Variants in PRKG1 observed in about 807,000 individuals in gnomAD.
PRKG1 encodes the protein protein kinase cGMP-dependent 1, also known as cGMP-dependent protein kinase 1.
A neutral mutation model predicts 88.1 loss-of-function variants in PRKG1; 35 were observed. That is an observed-to-expected ratio of 0.40 (90% CI 0.30 to 0.53). The LOEUF (loss-of-function observed/expected upper bound fraction) is 0.53, where lower values mean the gene tolerates loss of function less well. PRKG1 is among the 20% of genes least tolerant of loss of function. The pLI is 0.59. For synonymous variants in PRKG1, 303 were observed against 292.5 expected, an observed-to-expected ratio of 1.04 and a Z score of -0.37; for missense variants, 540 against 839.8, an observed-to-expected ratio of 0.64 and a Z score of 4.41.
chr10:51,803,167 C>G (rs1456917294), intron 3 of PRKG1, among the ~76,000 whole-genome samples: 1 of 152,082 alleles, frequency 6.6e-6, no homozygotes, highest in Non-Finnish European at 1.5e-5. Context: ...AGAAAAGAGT[C>G]TGGAGGCAGC....
chr10:52,204,556 C>T (rs9416048), intron 9 of PRKG1, among the ~76,000 whole-genome samples: 38,909 of 152,056 alleles, frequency 0.26, 5,957 homozygotes, highest in Admixed American at 0.41. Context: ...TAATTTCTTA[C>T]GCCTGTCTTT....
chr10:51,197,408 G>A (rs1040818408), intron 2 of PRKG1, among the ~76,000 whole-genome samples: 7 of 152,004 alleles, frequency 4.6e-5, no homozygotes, highest in Admixed American at 3.9e-4. Context: ...AAGTGGCTGG[G>A]ACTACAGTGC....
At chr10:51,287,102 C>T (rs57871639) in intron 2 of PRKG1, among the ~76,000 whole-genome samples, 11,477 of 152,144 alleles carry the variant, frequency 0.075, 1,413 homozygotes, top group African/African-American at 0.26. Flanking sequence ...GTTTTGAACT[C>T]CTTGTCTCAA....
chr10:51,160,751 G>T (rs1035440378), intron 2 of PRKG1, among the ~76,000 whole-genome samples: 1 of 152,040 alleles, frequency 6.6e-6, no homozygotes, highest in African/African-American at 2.4e-5. Context: ...ACTGTTGGGG[G>T]GACAGCTTTA....
chr10:51,375,045 A>G (rs2132617263), intron 2 of PRKG1, among the ~76,000 whole-genome samples: 1 of 152,316 alleles, frequency 6.6e-6, no homozygotes, highest in East Asian at 1.9e-4. Context: ...TAACGTAATC[A>G]TTGATGTAAC....
rs1335530980 is a variant in PRKG1 at position 51,812,255 on chromosome 10, G to C, written c.698+7565G>C. Among the ~76,000 whole-genome samples the C allele has an allele frequency of 3.3e-5, 5 of 152,288 alleles. No homozygotes were observed. The East Asian group carries it at 7.7e-4, about 24-fold the overall frequency. On this transcript the variant is annotated intron_variant, in intron 4 of 17. Transcript: ENST00000373980. ...GGGAAAGCATTTTCTGCATCCTGCT[G>C]GTTGTGGAAGTGTTTTTTCTGCAAA...
At chr10:51,218,247 G>A (rs1838422101) in intron 2 of PRKG1, among the ~76,000 whole-genome samples, 1 of 151,832 alleles carries the variant, frequency 6.6e-6, no homozygotes, top group Admixed American at 6.6e-5. Context: ...GTATGACTTT[G>A]TTTTGTAACA....
In PRKG1 at chr10:51,176,215, G is replaced by C. The variant is rs1439794193; in HGVS notation, c.478+22885G>C. ...TAAATCCTAACAACTCTATGAAATAGATGTTAGACTCATTTCACTAATGAA... is the reference window on the plus strand; with the variant it reads ...TAAATCCTAACAACTCTATGAAATACATGTTAGACTCATTTCACTAATGAA... On this transcript the variant is annotated intron_variant, in intron 2 of 17. Transcript: ENST00000373980. Among the ~76,000 whole-genome samples the C allele has an allele frequency of 2.6e-5, 4 of 152,150 alleles. No individual in the cohort carries two copies. In the South Asian group the frequency reaches 8.3e-4, roughly 32 times the overall value.
intron 9 of PRKG1, among the ~76,000 whole-genome samples, chr10:52,210,864 C>T (rs984265201): frequency 6.6e-6 from 1 of 152,138 alleles, no homozygotes; most frequent in African/African-American, 2.4e-5. Flanking sequence ...AACATAATTG[C>T]ATAAGCTGTC....
intron 5 of PRKG1, among the ~76,000 whole-genome samples, chr10:51,990,408 G>T (rs1295824491): frequency 1.3e-5 from 2 of 152,106 alleles, no homozygotes; most frequent in African/African-American, 4.8e-5. Flanking sequence ...TGAATCTGTA[G>T]ATAGCTTTGA....
In PRKG1 at chr10:51,730,054, T is replaced by G. The variant is rs557512469; in HGVS notation, c.593-74531T>G. Among the ~76,000 whole-genome samples the G allele has an allele frequency of 5.3e-5, 8 of 152,138 alleles. No homozygotes were observed. The South Asian group carries it at 1.7e-3, about 31-fold the overall frequency. Reference sequence around the variant, plus strand: ...CATAGTTTACATTAGGGTTCACTTGTGGTGTTATGCATTATATGGGTTTGG... The same window carrying G: ...CATAGTTTACATTAGGGTTCACTTGGGGTGTTATGCATTATATGGGTTTGG... On this transcript the variant is annotated intron_variant, in intron 3 of 17. Transcript: ENST00000373980.
intron 8 of PRKG1, among the ~76,000 whole-genome samples, chr10:52,151,750 G>T (rs570984511): frequency 2.0e-5 from 3 of 152,104 alleles, no homozygotes; most frequent in Non-Finnish European, 2.9e-5. Context: ...GCACATTAGG[G>T]CAATCTATTC....
chr10:51,136,120 T>A (rs1035180588), intron 1 of PRKG1, among the ~76,000 whole-genome samples: 10 of 151,924 alleles, frequency 6.6e-5, no homozygotes, highest in East Asian at 1.9e-4. Flanking sequence ...AGTATAATAA[T>A]AATAAAATAA....
At chr10:51,670,741 A>T (rs181067328) in intron 3 of PRKG1, among the ~76,000 whole-genome samples, 7,108 of 94,398 alleles carry the variant, frequency 0.075, 226 homozygotes, top group African/African-American at 0.12. Flanking sequence ...GTCTCAAAAA[A>T]AAATAAATAA....
At chr10:52,080,509 T>C (rs1564460218) in intron 7 of PRKG1, among the ~76,000 whole-genome samples, 2 of 152,158 alleles carry the variant, frequency 1.3e-5, no homozygotes, top group Admixed American at 1.3e-4. Flanking sequence ...TCTCAAAATA[T>C]GCTAATTTAG....
In PRKG1 at chr10:52,072,789, T is replaced by C. The variant is rs146800892; in HGVS notation, c.935+10158T>C. 9.3e-3 allele frequency among the ~76,000 whole-genome samples: 1,412 copies of C among 152,312 alleles called. 7 individuals carry two copies. Among genetic ancestry groups the C allele is most frequent in the Middle Eastern group, 0.02 (6 of 294 alleles). On this transcript the variant is annotated intron_variant, in intron 7 of 17. Coordinates refer to ENST00000373980, the MANE Select transcript of PRKG1 (RefSeq NM_006258.4). ...ACCCTCATGCCACTGTTCCTGTTAG[T>C]GCCACCATGATCTGTCTAAATTATA...
chr10:52,054,507 T>C lies in PRKG1; in HGVS notation c.786T>C (p.Tyr262=). The change falls in exon 6 of 18, where the codon TAT becomes TAC. Residue 262 remains tyrosine, a synonymous_variant. Coordinates refer to ENST00000373980, the MANE Select transcript of PRKG1 (RefSeq NM_006258.4). ...AGACCCACTATGAAAATGGAGAATA[T>C]ATTATCAGGCAAGGTGCAAGAGGGG... The part of the protein sequence containing the change: ...LEETHYENGE[Y]IIRQGARGDT... 2 of 1,613,822 alleles carry C rather than the reference T, an allele frequency of 1.2e-6. No individual in the cohort carries two copies. Among genetic ancestry groups the C allele is most frequent in the Non-Finnish European group, 8.5e-7 (1 of 1,179,818 alleles).
chr10:51,269,482 C>T (rs533430741), intron 2 of PRKG1, among the ~76,000 whole-genome samples: 2 of 152,028 alleles, frequency 1.3e-5, no homozygotes, highest in African/African-American at 2.4e-5. Flanking sequence ...CATCAACCAA[C>T]GAATGGATAA....
chr10:51,851,635 T>C (rs1362043538), intron 4 of PRKG1, among the ~76,000 whole-genome samples: 1 of 152,238 alleles, frequency 6.6e-6, no homozygotes, highest in Non-Finnish European at 1.5e-5. Flanking sequence ...ACTATTAAAA[T>C]GTCAAGATTT....
Sources: gnomAD v4.1 joint callset for allele counts (sites outside exome capture counted in the v4.1 genomes callset) on GRCh38, gnomAD v4.1.1 for gene constraint, MANE v1.5 for transcripts, NCBI Gene and HGNC (gene_info 2026-07-23, HGNC 2026-07-21) for gene names.